The following FLT1 variants were observed in gnomAD, a reference collection of about 807,000 sequenced individuals.
The protein encoded by FLT1 is vascular endothelial growth factor receptor 1.
Under a neutral mutation model 156.3 loss-of-function variants are expected in FLT1, and 49 were observed. The observed-to-expected ratio is 0.31, with a 90% CI of 0.25 to 0.40. FLT1 has a LOEUF of 0.40. FLT1 is among the 10% of genes least tolerant of loss of function. The pLI, the probability that FLT1 is intolerant of heterozygous loss-of-function variation, is 1.00. For synonymous variants in FLT1, 594 were observed against 583.8 expected (o/e 1.02, Z -0.25); for missense variants, 1,322 against 1,637.2 (o/e 0.81, Z 3.32).
At chr13:28,359,921 G>A (rs796420617) in intron 14 of FLT1, among the ~76,000 whole-genome samples, 5 of 152,106 alleles carry the variant, frequency 3.3e-5, no homozygotes, top group Admixed American at 1.3e-4. Flanking sequence ...GACCAGCCTC[G>A]CCAACATGAT....
chr13:28,433,688 A>T lies in FLT1; in HGVS notation c.813+131T>A, dbSNP rs1022764488. On this transcript the variant is annotated intron_variant, in intron 6 of 29. Transcript: ENST00000282397. ...CAAAGAAAGCACTCAAACCAAACCC[A>T]AAGCTTCTTTATTGACTAACACTGC... 11 of 866,946 alleles carry T rather than the reference A, an allele frequency of 1.3e-5. No individual in the cohort carries two copies. The African/African-American group carries it at 1.7e-4, about 13-fold the overall frequency. The allele number at this position is 866,946 out of a possible 1,614,324, so 53.7% of individuals were successfully genotyped here. A position where few individuals can be genotyped will look rare whatever the true frequency, so the allele number is the denominator to read the frequency against.
chr13:28,302,371 A>G lies in FLT1; in HGVS notation c.*796T>C, dbSNP rs1179457758. ...AAGTATGGGCTCAGAGTTGAGTGCC[A>G]CCCTCAGTGCTACAAATCAAAACAT... On this transcript the variant is annotated 3_prime_UTR_variant, in exon 30 of 30. Coordinates refer to ENST00000282397, the MANE Select transcript of FLT1 (RefSeq NM_002019.4). The G allele has an allele frequency of 8.6e-6, 2 of 233,188 alleles. No individual in the cohort carries two copies. Among genetic ancestry groups the G allele is most frequent in the Non-Finnish European group, 1.7e-5 (2 of 118,066 alleles). 14.4% of individuals were successfully genotyped at this position (233,188 alleles called of 1,614,324 possible). A position where few individuals can be genotyped will look rare whatever the true frequency, so the allele number is the denominator to read the frequency against.
chr13:28,325,884 G>A (rs1257265680), intron 20 of FLT1, among the ~76,000 whole-genome samples: 4 of 147,148 alleles, frequency 2.7e-5, no homozygotes, highest in Non-Finnish European at 6.0e-5. Flanking sequence ...GGAAAATGAT[G>A]TTCTTGCATA....
At chr13:28,485,208 T>C (rs1881082791) in intron 1 of FLT1, among the ~76,000 whole-genome samples, 1 of 152,110 alleles carries the variant, frequency 6.6e-6, no homozygotes, top group Non-Finnish European at 1.5e-5. Context: ...CTTTCTCCCT[T>C]CCCCAAAGCA....
intron 27 of FLT1, among the ~76,000 whole-genome samples, chr13:28,310,330 T>A (rs1270650777): frequency 1.3e-5 from 2 of 151,780 alleles, no homozygotes; most frequent in Non-Finnish European, 2.9e-5. Flanking sequence ...CTAAAAGGAG[T>A]CCTGACTGCA....
chr13:28,402,392 C>T (rs1875497458), intron 11 of FLT1, among the ~76,000 whole-genome samples: 1 of 152,122 alleles, frequency 6.6e-6, no homozygotes. Flanking sequence ...CATTTTGTCA[C>T]CATCATATGA....
rs1222750412 is a variant in FLT1 at position 28,430,103 on chromosome 13, C to A, written c.1053G>T (p.Arg351=). 15 of 1,613,856 alleles carry A rather than the reference C, an allele frequency of 9.3e-6. No homozygotes were observed. Among genetic ancestry groups the A allele is most frequent in the Non-Finnish European group, 1.3e-5 (15 of 1,179,860 alleles). Residue 351 remains arginine, a synonymous_variant, in exon 8 of 30, where the codon CGG becomes CGT. Transcript: ENST00000282397. The part of the protein sequence containing the change: ...QQVLETVAGK[R]SYRLSMKVKA... Reference sequence around the variant, plus strand: ...TCACTTTCATAGAGAGCCGGTAAGACCGCTTGCCAGCTACGGTTTCAAGCA... The same window carrying A: ...TCACTTTCATAGAGAGCCGGTAAGAACGCTTGCCAGCTACGGTTTCAAGCA...
At chr13:28,357,717 C>T (rs1357643818) in intron 14 of FLT1, 32 bp from the exon 15 acceptor site, 5 of 1,609,184 alleles carry the variant, frequency 3.1e-6, no homozygotes, top group Non-Finnish European at 4.3e-6. Flanking sequence ...GATTAGTGGG[C>T]CTGGATGACA....
At chr13:28,489,183 G>A (rs1205593856) in intron 1 of FLT1, among the ~76,000 whole-genome samples, 1 of 152,220 alleles carries the variant, frequency 6.6e-6, no homozygotes, top group Non-Finnish European at 1.5e-5. Flanking sequence ...AATATTATCT[G>A]TTGAGAACAG....
Position 28,467,045 on chromosome 13 carries a change from T to C in FLT1, c.246A>G (p.Gly82=), listed in dbSNP as rs1566045438. ...ERLSITKSAC[G]RNGKQFCSTL... ...TACTGCAGAATTGTTTGCCATTTCTTCCACAGGCAGATTTAGTTATGCTCA... is the reference window on the plus strand; with the variant it reads ...TACTGCAGAATTGTTTGCCATTTCTCCCACAGGCAGATTTAGTTATGCTCA... Residue 82 remains glycine, a synonymous_variant, in exon 3 of 30, where the codon GGA becomes GGG. Coordinates refer to ENST00000282397, the MANE Select transcript of FLT1 (RefSeq NM_002019.4). 1 of 1,614,186 alleles carries C rather than the reference T, an allele frequency of 6.2e-7. No homozygotes were observed. Among genetic ancestry groups the C allele is most frequent in the Non-Finnish European group, 8.5e-7 (1 of 1,180,018 alleles).
chr13:28,323,074 T>G, intron 20 of FLT1, 128 bp from the exon 21 acceptor site: 1 of 993,870 alleles, frequency 1.0e-6, no homozygotes, highest in Non-Finnish European at 1.6e-6. Context: ...GATCGTGAAC[T>G]AGCACAGGGG....
At chr13:28,408,716 C>T (rs1023183673) in intron 10 of FLT1, among the ~76,000 whole-genome samples, 3 of 152,126 alleles carry the variant, frequency 2.0e-5, no homozygotes, top group East Asian at 1.9e-4. Context: ...CCTGCCAAAG[C>T]GAGATAAGAA....
intron 13 of FLT1, chr13:28,389,096 C>A (rs1874543674): frequency 5.6e-6 from 6 of 1,064,812 alleles, no homozygotes; most frequent in South Asian, 4.6e-5. Context: ...ACATCTTGCA[C>A]CCCTGGGGCC....
Position 28,494,821 on chromosome 13 carries a change from C to G in FLT1, c.23G>C (p.Gly8Ala), listed in dbSNP as rs757148061. 2.5e-5 allele frequency: 40 copies of G among 1,573,228 alleles called. 1 individual carries two copies. The highest frequency in any genetic ancestry group is 3.3e-5 in the Non-Finnish European group (38 of 1,164,790). MVSYWDT[G>A]VLLCALLSCL... ...GCTGAGCAGCGCGCACAGCAGGACC[C>G]CGGTGTCCCAGTAGCTGACCATGGT... Residue 8 changes from glycine (G) to alanine (A), a missense_variant, in exon 1 of 30, where the codon GGG becomes GCG. Gly to Ala is a moderately conservative substitution (Grantham distance 60). Transcript: ENST00000282397.
At chr13:28,313,101 C>T (rs565153159) in intron 25 of FLT1, among the ~76,000 whole-genome samples, 1 of 152,058 alleles carries the variant, frequency 6.6e-6, no homozygotes, top group Non-Finnish European at 1.5e-5. Flanking sequence ...GCCTTAGCCT[C>T]CTGAGTAGCT....
intron 10 of FLT1, among the ~76,000 whole-genome samples, chr13:28,407,353 T>C (rs1189135954): frequency 6.8e-6 from 1 of 147,610 alleles, no homozygotes; most frequent in African/African-American, 2.5e-5. Flanking sequence ...TTTTGTCACA[T>C]TGGTTTCATC....
At chr13:28,443,330 T>G (rs1282799077) in intron 3 of FLT1, among the ~76,000 whole-genome samples, 2 of 152,230 alleles carry the variant, frequency 1.3e-5, no homozygotes, top group African/African-American at 4.8e-5. Flanking sequence ...TTTTGAAATC[T>G]GTAATCATGC....
chr13:28,330,723 A>AT (rs1191941332), intron 18 of FLT1, among the ~76,000 whole-genome samples: 2 of 147,366 alleles, frequency 1.4e-5, no homozygotes, highest in Non-Finnish European at 3.0e-5. Context: ...TTTTATTTTT[A>AT]TTTTTTTTGA....
In FLT1 at chr13:28,431,305, A is replaced by G; in HGVS notation, c.819T>C (p.Asn273=). ...QMTWSYPDEK[N]KRASVRRRID... ...TTCGTCGCCTTACGGAAGCTCTCTT[A>G]TTTTTCTAGAAAGAAAATGTATAAC... The change falls in exon 7 of 30, where the codon AAT becomes AAC. Residue 273 remains asparagine (N), a synonymous_variant. Coordinates refer to ENST00000282397, the MANE Select transcript of FLT1 (RefSeq NM_002019.4). 6.2e-7 allele frequency: 1 copy of G among 1,612,112 alleles called. No homozygotes were observed. Among genetic ancestry groups the G allele is most frequent in the Non-Finnish European group, 8.5e-7 (1 of 1,178,264 alleles).
Sources: allele counts gnomAD v4.1 joint callset (sites outside exome capture counted in the v4.1 genomes callset), GRCh38; gene constraint gnomAD v4.1.1; transcripts MANE v1.5; gene names NCBI Gene and HGNC (gene_info 2026-07-23, HGNC 2026-07-21).